The following THRAP3 variants were observed in gnomAD, a reference collection of about 807,000 sequenced individuals.
THRAP3 encodes thyroid hormone receptor associated protein 3, also known as thyroid hormone receptor-associated protein 3.
Under a neutral mutation model 101.0 loss-of-function variants are expected in THRAP3, and 16 were observed. The observed-to-expected ratio is 0.16, with a 90% CI of 0.11 to 0.24. THRAP3 has a LOEUF of 0.24. Among genes scored for constraint, THRAP3 ranks in the 10% least tolerant of loss-of-function variants. The pLI, the probability that THRAP3 is intolerant of heterozygous loss-of-function variation, is 1.00. For synonymous variants in THRAP3, 407 were observed against 422.6 expected, an observed-to-expected ratio of 0.96 and a Z score of 0.45; for missense variants, 989 against 1,202.7, an observed-to-expected ratio of 0.82 and a Z score of 2.63.
intron 1 of THRAP3, among the ~76,000 whole-genome samples, chr1:36,256,745 G>A (rs1279843265): frequency 6.6e-6 from 1 of 152,166 alleles, no homozygotes; most frequent in African/African-American, 2.4e-5. Flanking sequence ...CCATTCAGCT[G>A]TGTTTCTGAC....
intron 1 of THRAP3, among the ~76,000 whole-genome samples, chr1:36,241,432 C>CACACAT (rs1162814416): frequency 5.4e-4 from 73 of 135,692 alleles, no homozygotes; most frequent in African/African-American, 2.1e-3. Context: ...TATATATACA[C>CACACAT]ATATATAAAT....
chr1:36,286,697 G>C lies in THRAP3; in HGVS notation c.467G>C (p.Arg156Pro). 3 of 1,614,144 alleles carry C rather than the reference G, an allele frequency of 1.9e-6. No homozygotes were observed. The highest frequency in any genetic ancestry group is 2.5e-6 in the Non-Finnish European group (3 of 1,180,038). The change falls in exon 4 of 12, where the codon CGC becomes CCC. Residue 156 changes from arginine to proline, a missense_variant. Transcript: ENST00000354618. The surrounding 1 kb of genome is among the most constrained non-coding windows in gnomAD (Gnocchi z 5.5). Reference sequence around the variant, plus strand: ...AAGTCGTCTTCTGACCGGTCAAGGCGCTCCTCATCCTCCCGTTCTTCCTCC... The same window carrying C: ...AAGTCGTCTTCTGACCGGTCAAGGCCCTCCTCATCCTCCCGTTCTTCCTCC... ...SDKSSSDRSR[R>P]SSSSRSSSNH...
At chr1:36,273,532 G>C (rs1337290164) in intron 2 of THRAP3, among the ~76,000 whole-genome samples, 1 of 152,208 alleles carries the variant, frequency 6.6e-6, no homozygotes, top group Non-Finnish European at 1.5e-5. Context: ...AGACAAGGCT[G>C]TCCACTCTCA....
chr1:36,226,623 C>T (rs1262511729), intron 1 of THRAP3, among the ~76,000 whole-genome samples: 2 of 152,156 alleles, frequency 1.3e-5, no homozygotes, highest in African/African-American at 4.8e-5. Context: ...TACCCTGTTT[C>T]TGTAGGGCAT....
chr1:36,254,812 A>G (rs537650981), intron 1 of THRAP3, among the ~76,000 whole-genome samples: 2 of 152,272 alleles, frequency 1.3e-5, no homozygotes, highest in South Asian at 4.1e-4. Flanking sequence ...TAAAACAGAA[A>G]CCATTCTTAG....
intron 2 of THRAP3, among the ~76,000 whole-genome samples, chr1:36,265,104 T>A (rs747655442): frequency 2.6e-5 from 4 of 152,190 alleles, no homozygotes; most frequent in Non-Finnish European, 5.9e-5. Flanking sequence ...TTCCCATATA[T>A]GATTTGGATG....
intron 4 of THRAP3, chr1:36,287,834 C>T (rs1570330515): frequency 4.1e-6 from 4 of 985,418 alleles, no homozygotes; most frequent in Non-Finnish European, 4.8e-6. Context: ...TAGGAGAGGA[C>T]ATGACAGTGC....
At chr1:36,287,514 C>G in intron 4 of THRAP3, 2 of 985,412 alleles carry the variant, frequency 2.0e-6, no homozygotes, top group Non-Finnish European at 2.4e-6. Flanking sequence ...ATGATGTTTT[C>G]ACATTTAAAA....
At chr1:36,253,224 CTT>C (rs1645330331) in intron 1 of THRAP3, among the ~76,000 whole-genome samples, 1 of 151,930 alleles carries the variant, frequency 6.6e-6, no homozygotes, top group Non-Finnish European at 1.5e-5. Flanking sequence ...GCAGATTTAT[CTT>C]TTGGAAGGCA....
At chr1:36,283,049 A>T (rs1268646432) in intron 3 of THRAP3, among the ~76,000 whole-genome samples, 1 of 152,252 alleles carries the variant, frequency 6.6e-6, no homozygotes, top group Non-Finnish European at 1.5e-5. Context: ...GTTTATGTGC[A>T]TCACTGCAAA....
In THRAP3 at chr1:36,233,821, A is replaced by G. The variant is rs543035345; in HGVS notation, c.-135+9316A>G. On this transcript the variant is annotated intron_variant, in intron 1 of 11. Transcript: ENST00000354618. ...ATTCAAAACCCATTCTATCAAGGCT[A>G]TTCTGCAGAACTGCAGGTAACTATA... Among the ~76,000 whole-genome samples the G allele has an allele frequency of 4.6e-5, 7 of 152,334 alleles. No homozygotes were observed. In the East Asian group the frequency reaches 5.8e-4, roughly 13 times the overall value.
chr1:36,208,966 CTTT>C, the THRAP3 span, among the ~76,000 whole-genome samples: 4,782 of 52,134 alleles, frequency 0.092, 333 homozygotes, highest in South Asian at 0.19. Flanking sequence ...CATGTCCAGC[CTTT>C]TTTTTTTTTT....
At position 36,240,549 on chromosome 1, in the gene THRAP3, C is replaced by G. The variant is rs145063765; in HGVS notation, c.-135+16044C>G. Among the ~76,000 whole-genome samples the G allele has an allele frequency of 4.8e-4, 73 of 152,348 alleles. No individual in the cohort carries two copies. The East Asian group carries it at 0.012, about 26-fold the overall frequency. ...TGGACATGTGGGCTGGTTCCTCTCA[C>G]AGTCCACTCACTCACATGTCAGTCT... On this transcript the variant is annotated intron_variant, in intron 1 of 11. Transcript: ENST00000354618.
chr1:36,225,654 T>G (rs1290562731), intron 1 of THRAP3, among the ~76,000 whole-genome samples: 1 of 152,154 alleles, frequency 6.6e-6, no homozygotes, highest in Non-Finnish European at 1.5e-5. Flanking sequence ...CTTTTTTCGT[T>G]TGTGGAAGTA....
intron 2 of THRAP3, among the ~76,000 whole-genome samples, chr1:36,271,911 A>G (rs1369244690): frequency 1.3e-5 from 2 of 149,990 alleles, no homozygotes; most frequent in Non-Finnish European, 3.0e-5. Flanking sequence ...TGTATTTTTA[A>G]TAGAGATGGG....
At chr1:36,287,560 A>G in intron 4 of THRAP3, 1 of 985,466 alleles carries the variant, frequency 1.0e-6, no homozygotes, top group Non-Finnish European at 1.2e-6. Flanking sequence ...GCCAAAGAAC[A>G]GTAGAGATTT....
chr1:36,233,167 C>T (rs951277516), intron 1 of THRAP3, among the ~76,000 whole-genome samples: 74 of 151,098 alleles, frequency 4.9e-4, no homozygotes, highest in African/African-American at 1.7e-3. Flanking sequence ...TGCACCTGGC[C>T]ATCGAACTGT....
In THRAP3 at chr1:36,304,148, G is replaced by A. The variant is rs1646066361; in HGVS notation, c.*131G>A. On this transcript the variant is annotated 3_prime_UTR_variant, in exon 12 of 12. Coordinates refer to ENST00000354618, the MANE Select transcript of THRAP3 (RefSeq NM_005119.4). Reference sequence around the variant, plus strand: ...CCACCCCCCACCAGCCGCACAGATTGTACTACCGCGAGAGGCATCCCTGGC... The same window carrying A: ...CCACCCCCCACCAGCCGCACAGATTATACTACCGCGAGAGGCATCCCTGGC... 1 of 1,352,690 alleles carries A rather than the reference G, an allele frequency of 7.4e-7. No homozygotes were observed. Among genetic ancestry groups the A allele is most frequent in the African/African-American group, 1.5e-5 (1 of 67,340 alleles). The allele number at this position is 1,352,690 out of a possible 1,614,324, so 83.8% of individuals were successfully genotyped here. A position where few individuals can be genotyped will look rare whatever the true frequency, so the allele number is the denominator to read the frequency against.
intron 2 of THRAP3, among the ~76,000 whole-genome samples, chr1:36,264,463 T>C (rs1051767004): frequency 1.3e-5 from 2 of 152,242 alleles, no homozygotes; most frequent in African/African-American, 4.8e-5. Context: ...TACCAAAGCC[T>C]CTACTTACTG....
Sources: allele counts gnomAD v4.1 joint callset (sites outside exome capture counted in the v4.1 genomes callset), GRCh38; gene constraint gnomAD v4.1.1; non-coding constraint Gnocchi (gnomAD v3.1); transcripts MANE v1.5; gene names NCBI Gene and HGNC (gene_info 2026-07-23, HGNC 2026-07-21).